Variants in FNTB observed in about 807,000 individuals in gnomAD.
The protein encoded by FNTB is farnesyltransferase, CAAX box, subunit beta.
FNTB carries 27 observed loss-of-function variants against 59.4 expected under a neutral mutation model. That is an observed-to-expected ratio of 0.45 (90% CI 0.34 to 0.63). The LOEUF (loss-of-function observed/expected upper bound fraction) is 0.63. FNTB is among the 20% of genes least tolerant of loss of function. The pLI is 0.02. For synonymous variants in FNTB, 230 were observed against 220.7 expected, an observed-to-expected ratio of 1.04 and a Z score of -0.37; for missense variants, 449 against 559.6, an observed-to-expected ratio of 0.80 and a Z score of 1.99.
At chr14:65,013,774 C>G (rs1048219491) in intron 3 of FNTB, among the ~76,000 whole-genome samples, 3 of 152,196 alleles carry the variant, frequency 2.0e-5, no homozygotes, top group African/African-American at 7.2e-5. Flanking sequence ...TCTCGAGCTC[C>G]TGACCTCAAG....
intron 7 of FNTB, among the ~76,000 whole-genome samples, chr14:65,037,913 G>A (rs1198203852): frequency 1.3e-5 from 2 of 151,644 alleles, no homozygotes; most frequent in Non-Finnish European, 2.9e-5. Flanking sequence ...CCAAGTAGCT[G>A]GGATTATAGG....
At position 65,011,961 on chromosome 14, in the gene FNTB, A is replaced by G. The variant is rs561000747; in HGVS notation, c.210-356A>G. ...TAAATTGCTTATAGGATGGGGAGGC[A>G]CAAAGATATCTGTTCTTAGATGCTG... On this transcript the variant is annotated intron_variant, in intron 2 of 11. Transcript: ENST00000246166. The surrounding 1 kb of genome is among the most constrained non-coding windows in gnomAD (Gnocchi z 4.0). 9.8e-5 allele frequency among the ~76,000 whole-genome samples: 15 copies of G among 152,302 alleles called. 1 individual carries two copies. Among genetic ancestry groups the G allele is most frequent in the African/African-American group, 3.4e-4 (14 of 41,570 alleles).
chr14:65,059,843 T>TC (rs1000542974), intron 11 of FNTB, among the ~76,000 whole-genome samples: 4 of 150,140 alleles, frequency 2.7e-5, no homozygotes, highest in Non-Finnish European at 4.4e-5. Flanking sequence ...TTTTCTTTTT[T>TC]TTTTTTTTTT....
Position 65,027,736 on chromosome 14 carries a change from C to A in FNTB, c.560C>A (p.Pro187His), listed in dbSNP as rs370588586. ...CAGTATTTGTACTCCCTGAAGCAAC[C>A]TGACGGCTCCTTTCTCATGCATGTC... ...LLQYLYSLKQ[P>H]DGSFLMHVGG... Residue 187 changes from proline to histidine, a missense_variant, in exon 6 of 12, where the codon CCT becomes CAT. Coordinates refer to ENST00000246166, the MANE Select transcript of FNTB (RefSeq NM_002028.4). This position sits in a 1 kb window ranked among gnomAD's most constrained non-coding sequence, Gnocchi z 5.7. 1 of 1,614,076 alleles carries A rather than the reference C, an allele frequency of 6.2e-7. No individual in the cohort carries two copies. Among genetic ancestry groups the A allele is most frequent in the African/African-American group, 1.3e-5 (1 of 74,910 alleles).
At chr14:65,004,441 G>GTGGT in intron 2 of FNTB, 128 bp downstream of exon 2, 1 of 991,252 alleles carries the variant, frequency 1.0e-6, no homozygotes, top group Non-Finnish European at 1.5e-6. Flanking sequence ...TCTTGTCCTT[G>GTGGT]TGGTTACCTG....
chr14:65,051,588 G>A lies in FNTB; in HGVS notation c.956-1650G>A, dbSNP rs74860156. ...ATCGTGCCATTGCCCTCCAACCTGG[G>A]CAACAGAGTGAGACTCTGTCTCAAA... On this transcript the variant is annotated intron_variant, in intron 9 of 11. Coordinates refer to ENST00000246166, the MANE Select transcript of FNTB (RefSeq NM_002028.4). Among the ~76,000 whole-genome samples, 539 of 151,640 alleles carry A rather than the reference G, an allele frequency of 3.6e-3. 1 individual carries two copies. Among genetic ancestry groups the A allele is most frequent in the African/African-American group, 0.013 (521 of 41,338 alleles).
intron 4 of FNTB, among the ~76,000 whole-genome samples, chr14:65,025,641 C>G (rs989994175): frequency 1.3e-5 from 2 of 151,902 alleles, no homozygotes; most frequent in Non-Finnish European, 2.9e-5. Flanking sequence ...ATGGCGAAAC[C>G]CCATCTTTAT....
At chr14:64,992,767 T>G (rs1888250050) in intron 1 of FNTB, among the ~76,000 whole-genome samples, 1 of 152,180 alleles carries the variant, frequency 6.6e-6, no homozygotes. Flanking sequence ...CTAGAATTTT[T>G]TTTTTGCAGT....
chr14:65,061,158 G>A, intron 11 of FNTB, 23 bp from the exon 12 acceptor site: 1 of 1,613,246 alleles, frequency 6.2e-7, no homozygotes, highest in Non-Finnish European at 8.5e-7. Flanking sequence ...GTGATTAACT[G>A]GCACCTTTTC....
Position 64,987,064 on chromosome 14 carries a change from C to G in FNTB, c.111C>G (p.Asp37Glu). ...AGCACGCGCGAGAGCGGTTGCAGGA[C>G]GACTCGGTGGAAACAGTCACGTCCA... is the stretch of plus-strand genomic sequence containing the variant. ...RPEHARERLQ[D>E]DSVETVTSIE... Residue 37 changes from aspartate (D) to glutamate (E), a missense_variant, in exon 1 of 12, where the codon GAC becomes GAG. Asp to Glu is a conservative substitution (Grantham distance 45). This residue lies in a region of FNTB where 112 missense variants were observed against 80.5 expected (regional missense o/e 1.39). Coordinates refer to ENST00000246166, the MANE Select transcript of FNTB (RefSeq NM_002028.4). The G allele has an allele frequency of 1.2e-6, 2 of 1,614,226 alleles. No individual in the cohort carries two copies. Among genetic ancestry groups the G allele is most frequent in the Non-Finnish European group, 1.7e-6 (2 of 1,180,040 alleles).
rs2062511790 is a variant in FNTB, at chr14:65,047,588, T to C, written c.955+3145T>C. On this transcript the variant is annotated intron_variant, in intron 9 of 11. Coordinates refer to ENST00000246166, the MANE Select transcript of FNTB (RefSeq NM_002028.4). This position sits in a 1 kb window ranked among gnomAD's most constrained non-coding sequence, Gnocchi z 5.2. ...GGGATGTAAATAGGTTAAGTCATTT[T>C]TTGGAGGGCAGTTTGGAGACATCCA... Among the ~76,000 whole-genome samples the C allele has an allele frequency of 6.6e-6, 1 of 152,226 alleles. No individual in the cohort carries two copies. Among genetic ancestry groups the C allele is most frequent in the African/African-American group, 2.4e-5 (1 of 41,466 alleles).
intron 10 of FNTB, among the ~76,000 whole-genome samples, 157 bp downstream of exon 10, chr14:65,053,506 G>A (rs1175003983): frequency 1.3e-5 from 2 of 152,042 alleles, no homozygotes; most frequent in Non-Finnish European, 2.9e-5. Context: ...CCAGTTGGGA[G>A]CACCCCTTGA....
Position 65,029,258 on chromosome 14 carries a change from C to T in FNTB, c.605+1477C>T, listed in dbSNP as rs1440327262. 1.3e-5 allele frequency among the ~76,000 whole-genome samples: 2 copies of T among 152,168 alleles called. No individual in the cohort carries two copies. Among genetic ancestry groups the T allele is most frequent in the Non-Finnish European group, 2.9e-5 (2 of 68,022 alleles). ...CTTGCTTTGCCTGGTTTCTAGTACC[C>T]CGATTCCATCATTTTTCACTTGGCA... On this transcript the variant is annotated intron_variant, in intron 6 of 11. Transcript: ENST00000246166. The surrounding 1 kb of genome is among the most constrained non-coding windows in gnomAD (Gnocchi z 4.7).
intron 2 of FNTB, chr14:65,006,357 G>T (rs751000408): frequency 7.5e-5 from 120 of 1,592,816 alleles, no homozygotes; most frequent in Non-Finnish European, 8.3e-5. Context: ...CCAAATCTCT[G>T]CATTAACCCA....
intron 7 of FNTB, among the ~76,000 whole-genome samples, 177 bp from the exon 8 acceptor site, chr14:65,040,604 CTTTTTTTTT>C (rs35890649): frequency 2.6e-5 from 3 of 117,326 alleles, no homozygotes; most frequent in Non-Finnish European, 5.2e-5. Context: ...CCAGGCCCAG[CTTTTTTTTT>C]TTTTTTTTTT....
At chr14:65,022,269 G>T in intron 4 of FNTB, 5 of 303,360 alleles carry the variant, frequency 1.6e-5, no homozygotes, top group East Asian at 8.9e-5. Context: ...TTCCAAAGCT[G>T]TAATCTTTTT....
chr14:65,059,837 C>CT (rs34459085), intron 11 of FNTB, among the ~76,000 whole-genome samples: 16,377 of 134,088 alleles, frequency 0.12, 2,352 homozygotes, highest in African/African-American at 0.34. Context: ...GTCCTTTTTT[C>CT]TTTTTTTTTT....
chr14:65,055,602 C>T (rs1416407562), intron 11 of FNTB, among the ~76,000 whole-genome samples: 1 of 151,956 alleles, frequency 6.6e-6, no homozygotes, highest in Non-Finnish European at 1.5e-5. Context: ...CTGCAACCTC[C>T]ACCTCCCAGG....
chr14:65,058,240 T>C (rs1044071981), intron 11 of FNTB, among the ~76,000 whole-genome samples: 3 of 151,346 alleles, frequency 2.0e-5, no homozygotes, highest in Non-Finnish European at 4.4e-5. Flanking sequence ...TATAATTTTT[T>C]CCATAAAGGA....
Sources: allele counts gnomAD v4.1 joint callset (sites outside exome capture counted in the v4.1 genomes callset), GRCh38; gene constraint gnomAD v4.1.1; regional missense constraint gnomAD v4.1.1; non-coding constraint Gnocchi (gnomAD v3.1); transcripts MANE v1.5; gene names NCBI Gene and HGNC (gene_info 2026-07-23, HGNC 2026-07-21).